Variants in RTN1 observed in about 807,000 individuals in gnomAD.
RTN1 encodes the protein reticulon 1, also known as reticulon-1.
Under a neutral mutation model 65.5 loss-of-function variants are expected in RTN1, and 25 were observed. That is an observed-to-expected ratio of 0.38 (90% CI 0.28 to 0.53). The LOEUF is 0.53. Among genes scored for constraint, RTN1 ranks in the 20% least tolerant of loss-of-function variants. RTN1 has a pLI of 0.79. For missense variants in RTN1, 983 were observed against 1,025.4 expected, an observed-to-expected ratio of 0.96 and a Z score of 0.57; for synonymous variants, 471 against 447.6, an observed-to-expected ratio of 1.05 and a Z score of -0.66.
At chr14:59,659,119 GGAAGAAA>G (rs1883187143) in intron 3 of RTN1, among the ~76,000 whole-genome samples, 1 of 151,852 alleles carries the variant, frequency 6.6e-6, no homozygotes, top group Admixed American at 6.6e-5. Flanking sequence ...CTGATCAAGT[GGAAGAAA>G]GGATATCAGA....
At chr14:59,650,736 A>T (rs1044474559) in intron 3 of RTN1, among the ~76,000 whole-genome samples, 2 of 152,232 alleles carry the variant, frequency 1.3e-5, no homozygotes, top group South Asian at 2.1e-4. Flanking sequence ...ATTACAAAAC[A>T]CTGCTCAAAG....
chr14:59,750,171 C>CTATAATATATAATATATATATTATATA (rs1366601023), intron 1 of RTN1, among the ~76,000 whole-genome samples: 1 of 50,012 alleles, frequency 2.0e-5, no homozygotes, highest in Admixed American at 3.6e-4. Flanking sequence ...TATATTATAT[C>CTATAATATATAATATATATATTATATA]TATAATATAT....
chr14:59,666,975 AAAAAAAAAAAAAG>A (rs1179557209), intron 3 of RTN1, among the ~76,000 whole-genome samples: 1 of 149,270 alleles, frequency 6.7e-6, no homozygotes, highest in Non-Finnish European at 1.5e-5. Flanking sequence ...AAAAAAAAAA[AAAAAAAAAAAAAG>A]CCCAGGACCA....
At chr14:59,707,660 T>G (rs1438834441) in intron 3 of RTN1, among the ~76,000 whole-genome samples, 1 of 151,912 alleles carries the variant, frequency 6.6e-6, no homozygotes. Context: ...AGGAGTTAAC[T>G]GCTTGATAAT....
intron 1 of RTN1, among the ~76,000 whole-genome samples, chr14:59,787,819 G>C (rs182404566): frequency 6.6e-6 from 1 of 152,220 alleles, no homozygotes; most frequent in Admixed American, 6.5e-5. Context: ...GATGGAAAGA[G>C]AAATGGTTCC....
At chr14:59,838,814 T>C (rs1222775277) in intron 1 of RTN1, among the ~76,000 whole-genome samples, 1 of 152,180 alleles carries the variant, frequency 6.6e-6, no homozygotes, top group African/African-American at 2.4e-5. Flanking sequence ...ATGTAATATT[T>C]TGGCCATTAA....
At chr14:59,657,042 C>A (rs1237344048) in intron 3 of RTN1, among the ~76,000 whole-genome samples, 1 of 152,012 alleles carries the variant, frequency 6.6e-6, no homozygotes. Context: ...AAAAACAAAA[C>A]CAAAAGATAT....
At chr14:59,654,162 A>G (rs1471940124) in intron 3 of RTN1, among the ~76,000 whole-genome samples, 1 of 152,174 alleles carries the variant, frequency 6.6e-6, no homozygotes, top group Non-Finnish European at 1.5e-5. Flanking sequence ...GCAGTGGCTC[A>G]TGCCTGTAAT....
rs141328018 is a variant in RTN1, at chr14:59,650,706, G to T, written c.1766-43214C>A. On this transcript the variant is annotated intron_variant, in intron 3 of 8. Coordinates refer to ENST00000267484, the MANE Select transcript of RTN1 (RefSeq NM_021136.3). The stretch of plus-strand genomic sequence containing the variant: ...CCAGGAATACAGCTAACCAGGGATT[G>T]TAAGATCTCTACAATGAAAATTACA... Among the ~76,000 whole-genome samples, 534 of 152,302 alleles carry T rather than the reference G, an allele frequency of 3.5e-3. 3 individuals carry two copies. The highest frequency in any genetic ancestry group is 0.012 in the African/African-American group (509 of 41,568).
chr14:59,639,900 A>T (rs1882741078), intron 3 of RTN1, among the ~76,000 whole-genome samples: 1 of 152,170 alleles, frequency 6.6e-6, no homozygotes. Context: ...CATCATTTTA[A>T]TATATCACTA....
intron 3 of RTN1, among the ~76,000 whole-genome samples, chr14:59,677,324 A>G (rs1384625867): frequency 6.6e-6 from 1 of 152,206 alleles, no homozygotes; most frequent in East Asian, 1.9e-4. Context: ...TTTGATATTC[A>G]TTGTAGGATA....
Position 59,641,358 on chromosome 14 carries a change from T to TTTTA in RTN1, c.1766-33870_1766-33867dup, listed in dbSNP as rs554989270. 1.8e-4 allele frequency among the ~76,000 whole-genome samples: 28 copies of TTTTA among 152,122 alleles called. No individual in the cohort carries two copies. The South Asian group carries it at 3.5e-3, about 19-fold the overall frequency. Reference sequence around the variant, plus strand: ...GCTTATAGTTTTATCTTTTTGGACATTTTATTTATTTATTTATTTGTTTGT... The same window carrying TTTTA: ...GCTTATAGTTTTATCTTTTTGGACATTTTATTTATTTATTTATTTATTTGTTTGT... On this transcript the variant is annotated intron_variant, in intron 3 of 8. Coordinates refer to ENST00000267484, the MANE Select transcript of RTN1 (RefSeq NM_021136.3).
At chr14:59,605,082 G>A (rs924406052) in intron 5 of RTN1, 5 of 238,422 alleles carry the variant, frequency 2.1e-5, no homozygotes, top group Admixed American at 1.1e-4. Context: ...AGACAATCTG[G>A]TGTGTTGTAA....
At chr14:59,773,341 G>GA (rs1000658843) in intron 1 of RTN1, among the ~76,000 whole-genome samples, 1 of 151,930 alleles carries the variant, frequency 6.6e-6, no homozygotes, top group African/African-American at 2.4e-5. Context: ...GTCTAATAAG[G>GA]AAAAAACTGA....
intron 3 of RTN1, among the ~76,000 whole-genome samples, chr14:59,667,263 G>A (rs893589269): frequency 6.6e-6 from 1 of 152,152 alleles, no homozygotes; most frequent in South Asian, 2.1e-4. Flanking sequence ...TATCCACCAC[G>A]ATCAAGTCGG....
rs531975405 is a variant in RTN1, at chr14:59,609,672, C to CT, written c.1766-2181dup. Among the ~76,000 whole-genome samples, 40 of 152,286 alleles carry CT rather than the reference C, an allele frequency of 2.6e-4. 1 individual carries two copies. In the South Asian group the frequency reaches 8.3e-3, roughly 32 times the overall value. On this transcript the variant is annotated intron_variant, in intron 3 of 8. Transcript: ENST00000267484. The stretch of plus-strand genomic sequence containing the variant: ...AAGCCAAGGCAGCAGGGCTAAAGGT[C>CT]TTTGACGGTCCGGGGCCTCCAGGTA...
chr14:59,703,393 T>C (rs1884221599), intron 3 of RTN1, among the ~76,000 whole-genome samples: 2 of 152,098 alleles, frequency 1.3e-5, no homozygotes, highest in Non-Finnish European at 2.9e-5. Context: ...TGAGATCTGA[T>C]TGTTTAAAAG....
intron 1 of RTN1, among the ~76,000 whole-genome samples, chr14:59,820,356 GT>G (rs34274539): frequency 2.6e-3 from 206 of 79,318 alleles, no homozygotes; most frequent in South Asian, 7.8e-3. Flanking sequence ...CTTATTGATA[GT>G]TTTTTTTTTT....
intron 3 of RTN1, among the ~76,000 whole-genome samples, chr14:59,616,600 A>T (rs1882108327): frequency 6.6e-6 from 1 of 152,222 alleles, no homozygotes; most frequent in African/African-American, 2.4e-5. Flanking sequence ...TTTAGTGTAC[A>T]TTATTAATAA....
Sources: gnomAD v4.1 joint callset for allele counts (sites outside exome capture counted in the v4.1 genomes callset) on GRCh38, gnomAD v4.1.1 for gene constraint, MANE v1.5 for transcripts, NCBI Gene and HGNC (gene_info 2026-07-23, HGNC 2026-07-21) for gene names.